The following TMEM161A variants were observed in gnomAD, a reference collection of about 807,000 sequenced individuals.
The protein encoded by TMEM161A is transmembrane protein 161A, also known as adaptive response to oxidative stress protein 29.
Under a neutral mutation model 57.1 loss-of-function variants are expected in TMEM161A, and 46 were observed. The ratio of observed to expected loss-of-function variants is 0.81; its 90% CI spans 0.64 to 1.03. The LOEUF is 1.03. Among genes scored for constraint, TMEM161A ranks in the 50% least tolerant of loss-of-function variants. The pLI is 0.00. For synonymous variants in TMEM161A, 288 were observed against 279.0 expected (o/e 1.03, Z -0.32); for missense variants, 601 against 621.5 (o/e 0.97, Z 0.35).
Position 19,121,773 on chromosome 19 carries a change from C to T in TMEM161A, c.642G>A (p.Gln214=), listed in dbSNP as rs776192347. The part of the protein sequence containing the change: ...TQNLEPLLKK[Q]GWDWALPVAK... The stretch of plus-strand genomic sequence containing the variant: ...CCAGGACTCACGCCCAGTCCCAGCC[C>T]TGCTTCTTCAGAAGTGGCTCTAAGT... The change falls in exon 7 of 12, where the codon CAG becomes CAA. Residue 214 remains glutamine, a synonymous_variant. Transcript: ENST00000162044. This position sits in a 1 kb window ranked among gnomAD's most constrained non-coding sequence, Gnocchi z 5.8. The T allele has an allele frequency of 1.2e-6, 2 of 1,614,064 alleles. No homozygotes were observed.
intron 6 of TMEM161A, among the ~76,000 whole-genome samples, chr19:19,126,164 CA>C (rs11297146): frequency 0.77 from 103,211 of 134,668 alleles, 38,239 homozygotes; most frequent in East Asian, 0.91. Context: ...GACTCTGTCT[CA>C]AAAAAAAAAA....
At position 19,120,825 on chromosome 19, in the gene TMEM161A, A is replaced by G. The variant is rs560130930; in HGVS notation, c.1126T>C (p.Leu376=). 52 of 1,613,402 alleles carry G rather than the reference A, an allele frequency of 3.2e-5. No individual in the cohort carries two copies. The East Asian group carries it at 9.4e-4, about 29-fold the overall frequency. The change falls in exon 11 of 12, where the codon TTG becomes CTG. Residue 376 remains leucine, a synonymous_variant. Transcript: ENST00000162044. ...AGGATGAGCGGCGTCAGGTACTGCAAGCTCACCACGGTCACATAGCAGTAG... is the reference window on the plus strand; with the variant it reads ...AGGATGAGCGGCGTCAGGTACTGCAGGCTCACCACGGTCACATAGCAGTAG... ...RVYCYVTVVS[L]QYLTPLILTL... is the part of the protein sequence containing the mutation.
At chr19:19,127,495 A>AT (rs578222659) in intron 6 of TMEM161A, among the ~76,000 whole-genome samples, 5,847 of 151,144 alleles carry the variant, frequency 0.039, 172 homozygotes, top group Non-Finnish European at 0.056. Context: ...AATTTTTTGT[A>AT]TTTTTTTTAG....
At chr19:19,133,686 G>T (rs1333811504) in intron 2 of TMEM161A, among the ~76,000 whole-genome samples, 1 of 152,126 alleles carries the variant, frequency 6.6e-6, no homozygotes, top group Non-Finnish European at 1.5e-5. Context: ...TGGCCAGGCT[G>T]GTCTCAAACT....
intron 2 of TMEM161A, 125 bp downstream of exon 2, chr19:19,134,659 A>G (rs1176341221): frequency 3.1e-6 from 2 of 653,670 alleles, no homozygotes; most frequent in Admixed American, 2.8e-5. Context: ...TTACACCTCA[A>G]CAACGTTTTT....
intron 6 of TMEM161A, among the ~76,000 whole-genome samples, chr19:19,122,335 T>C (rs1025718246): frequency 6.6e-6 from 1 of 152,004 alleles, no homozygotes; most frequent in African/African-American, 2.4e-5. Flanking sequence ...ACACTCCTGA[T>C]TGGGCTGGGA....
intron 5 of TMEM161A, 110 bp from the exon 6 acceptor site, chr19:19,130,417 T>C (rs556455202): frequency 3.6e-6 from 5 of 1,405,934 alleles, no homozygotes; most frequent in African/African-American, 2.8e-5. Flanking sequence ...GCTGCACAAA[T>C]AGGCCTTGGG....
At chr19:19,134,246 T>C (rs1442565402) in intron 2 of TMEM161A, among the ~76,000 whole-genome samples, 1 of 151,120 alleles carries the variant, frequency 6.6e-6, no homozygotes, top group Non-Finnish European at 1.5e-5. Context: ...ACGTGGGGAG[T>C]GTGGTGATGG....
chr19:19,130,484 G>A, intron 5 of TMEM161A, 177 bp from the exon 6 acceptor site: 2 of 714,650 alleles, frequency 2.8e-6, no homozygotes, highest in Non-Finnish European at 4.6e-6. Context: ...GATGTGGGCT[G>A]GGGGTTCCCG....
intron 3 of TMEM161A, 29 bp downstream of exon 3, chr19:19,133,101 A>G (rs2146337678): frequency 6.2e-7 from 1 of 1,606,868 alleles, no homozygotes; most frequent in South Asian, 1.1e-5. Context: ...CACCCTCCCA[A>G]GGCTGGGGCT....
chr19:19,135,422 T>C (rs898416700), intron 1 of TMEM161A, among the ~76,000 whole-genome samples: 4 of 152,180 alleles, frequency 2.6e-5, no homozygotes, highest in Non-Finnish European at 5.9e-5. Flanking sequence ...AAGTGATCCC[T>C]GATGGTTCCA....
chr19:19,125,648 C>G (rs1395964663), intron 6 of TMEM161A, among the ~76,000 whole-genome samples: 1 of 151,786 alleles, frequency 6.6e-6, no homozygotes, highest in African/African-American at 2.4e-5. Context: ...TCCCCAGTAG[C>G]TGGGACTACA....
Position 19,121,015 on chromosome 19 carries a change from C to T in TMEM161A, c.1066G>A (p.Glu356Lys), listed in dbSNP as rs2146325305. ...ACCCTCTGCTGGATTTCACGGGCTT[C>T]GATGCGGCCAGCCTCCCTTCGCAGC... ...EQLRREAGRI[E>K]AREIQQRVVR... is the part of the protein sequence containing the mutation. Residue 356 changes from glutamate to lysine, a missense_variant, in exon 10 of 12, where the codon GAA becomes AAA. Physicochemically the swap from Glu to Lys is moderately conservative, Grantham distance 56. Transcript: ENST00000162044. This position sits in a 1 kb window ranked among gnomAD's most constrained non-coding sequence, Gnocchi z 5.8. 2 of 1,608,112 alleles carry T rather than the reference C, an allele frequency of 1.2e-6. No homozygotes were observed. The highest frequency in any genetic ancestry group is 1.7e-5 in the Admixed American group (1 of 59,718).
At chr19:19,135,022 T>A (rs2059978652) in intron 1 of TMEM161A, 135 bp from the exon 2 acceptor site, 1 of 645,130 alleles carries the variant, frequency 1.6e-6, no homozygotes, top group African/African-American at 1.8e-5. Flanking sequence ...TAGCGGCTTC[T>A]TAGGGGAGAG....
rs1226899237 is a variant in TMEM161A at position 19,134,849 on chromosome 19, A to C, written c.42T>G (p.Thr14=). The change falls in exon 2 of 12, where the codon ACT becomes ACG. Residue 14 remains threonine (T), a synonymous_variant. Coordinates refer to ENST00000162044, the MANE Select transcript of TMEM161A (RefSeq NM_017814.3). ...GCGCCAGCCTGTGCATGAGGGTGGC[A>C]GTGAGCAGGGTCACCACCAGCTGTA... The part of the protein sequence containing the change: ...LGVQLVVTLL[T]ATLMHRLAPH... 9 of 1,599,100 alleles carry C rather than the reference A, an allele frequency of 5.6e-6. No individual in the cohort carries two copies. The highest frequency in any genetic ancestry group is 2.7e-5 in the African/African-American group (2 of 74,576).
intron 1 of TMEM161A, among the ~76,000 whole-genome samples, chr19:19,137,127 C>T (rs947093664): frequency 6.6e-6 from 1 of 152,158 alleles, no homozygotes; most frequent in Non-Finnish European, 1.5e-5. Context: ...AGCACTCACC[C>T]ATCATCCCAT....
chr19:19,121,810 C>A lies in TMEM161A; in HGVS notation c.605G>T (p.Ser202Ile), dbSNP rs775980855. The A allele has an allele frequency of 1.2e-6, 2 of 1,613,838 alleles. No homozygotes were observed. The highest frequency in any genetic ancestry group is 3.3e-5 in the Admixed American group (2 of 60,002). ...LELGLEPGLA[S>I]MTQNLEPLLK... ...AAGTGGCTCTAAGTTCTGGGTCATG[C>A]TGGCCAGACCTGGGGACGATAAGAA... The change falls in exon 7 of 12, where the codon AGC (serine) becomes ATC (isoleucine). Residue 202 changes from serine to isoleucine, a missense_variant. Coordinates refer to ENST00000162044, the MANE Select transcript of TMEM161A (RefSeq NM_017814.3). This position sits in a 1 kb window ranked among gnomAD's most constrained non-coding sequence, Gnocchi z 5.8.
At position 19,133,133 on chromosome 19, in the gene TMEM161A, T is replaced by C. The variant is rs34053782; in HGVS notation, c.185A>G (p.Glu62Gly). 101 of 1,613,922 alleles carry C rather than the reference T, an allele frequency of 6.3e-5. No individual in the cohort carries two copies. The African/African-American group carries it at 7.3e-4, about 12-fold the overall frequency. ...AGKPRPRGRK[E>G]RWANGLSEEK... ...GGCTGGGGCCCAGGTCACTCACCGC[T>C]CTTTCCTGCCTCTGGGCCTCGGCTT... is the stretch of plus-strand genomic sequence containing the variant. Residue 62 changes from glutamate (E) to glycine (G), a missense_variant, in exon 3 of 12, where the codon GAG (glutamate) becomes GGG (glycine). Coordinates refer to ENST00000162044, the MANE Select transcript of TMEM161A (RefSeq NM_017814.3).
At chr19:19,130,928 A>G (rs2059955588) in intron 5 of TMEM161A, among the ~76,000 whole-genome samples, 1 of 143,164 alleles carries the variant, frequency 7.0e-6, no homozygotes, top group African/African-American at 2.6e-5. Context: ...GTCTCAAACA[A>G]CAACAACAGG....
Sources: gnomAD v4.1 joint callset for allele counts (sites outside exome capture counted in the v4.1 genomes callset) on GRCh38, gnomAD v4.1.1 for gene constraint, Gnocchi (gnomAD v3.1) non-coding constraint, MANE v1.5 for transcripts, NCBI Gene and HGNC (gene_info 2026-07-23, HGNC 2026-07-21) for gene names.